The following FHDC1 variants were observed in gnomAD, a reference collection of about 807,000 sequenced individuals.
The protein encoded by FHDC1 is FH2 domain containing 1, also known as FH2 domain-containing protein 1.
In FHDC1, 25 loss-of-function variants were observed where a neutral mutation model predicts 52.6. That is an observed-to-expected ratio of 0.48 (90% CI 0.35 to 0.66). The LOEUF (loss-of-function observed/expected upper bound fraction) is 0.66. Ranked by LOEUF, FHDC1 falls within the 30% of genes least tolerant of loss-of-function variation. FHDC1 has a pLI of 0.01. For missense variants in FHDC1, 1,459 were observed against 1,452.8 expected (o/e 1.00, Z -0.07); for synonymous variants, 616 against 581.5 (o/e 1.06, Z -0.85).
intron 6 of FHDC1, among the ~76,000 whole-genome samples, chr4:152,961,161 G>A (rs1740268182): frequency 6.6e-6 from 1 of 152,180 alleles, no homozygotes; most frequent in Admixed American, 6.5e-5. Flanking sequence ...TTGGTATGTG[G>A]TGTGTGCATG....
At chr4:152,934,670 GTCCTCAAAGGAAGAGA>G (rs1481546615), upstream of FHDC1, among the ~76,000 whole-genome samples, 1 of 152,322 alleles carries the variant, frequency 6.6e-6, no homozygotes, top group East Asian at 1.9e-4. Flanking sequence ...CCTTGTTACT[GTCCTCAAAGGAAGAGA>G]AGGGTCAGCA....
chr4:152,955,111 AAAG>A (rs1009200709), intron 4 of FHDC1, among the ~76,000 whole-genome samples: 1 of 152,192 alleles, frequency 6.6e-6, no homozygotes, highest in Non-Finnish European at 1.5e-5. Flanking sequence ...TTTTAAAAAA[AAAG>A]ATGAAAACAA....
Position 152,976,425 on chromosome 4 carries a change from G to A in FHDC1, c.3134G>A (p.Arg1045Gln), listed in dbSNP as rs1314148877. 3 of 1,613,684 alleles carry A rather than the reference G, an allele frequency of 1.9e-6. No individual in the cohort carries two copies. Among genetic ancestry groups the A allele is most frequent in the East Asian group, 2.2e-5 (1 of 44,858 alleles). Reference protein sequence around the residue: ...FARNTVASSSRSMRTDLPPVA... With the variant: ...FARNTVASSSQSMRTDLPPVA... ...CGGAACACAGTGGCCTCCTCCTCTC[G>A]AAGCATGAGAACAGATCTTCCTCCC... The change falls in exon 12 of 12, where the codon CGA (arginine) becomes CAA (glutamine). Residue 1045 changes from arginine to glutamine, a missense_variant. This residue lies in a region of FHDC1 where 939 missense variants were observed against 854.5 expected (regional missense o/e 1.10). Coordinates refer to ENST00000511601, the MANE Select transcript of FHDC1 (RefSeq NM_001371116.1).
chr4:152,956,124 G>A (rs1322014339), intron 4 of FHDC1, among the ~76,000 whole-genome samples: 2 of 152,186 alleles, frequency 1.3e-5, no homozygotes, highest in African/African-American at 2.4e-5. Context: ...TTTCTGTAAA[G>A]GATAGGAGTT....
chr4:152,976,659 C>T lies in FHDC1; in HGVS notation c.3368C>T (p.Ser1123Phe). 6.3e-7 allele frequency: 1 copy of T among 1,577,132 alleles called. No individual in the cohort carries two copies. The highest frequency in any genetic ancestry group is 1.9e-5 in the Admixed American group (1 of 53,196). Residue 1123 changes from serine (S) to phenylalanine (F), a missense_variant, in exon 12 of 12, where the codon TCC (serine) becomes TTC (phenylalanine). Coordinates refer to ENST00000511601, the MANE Select transcript of FHDC1 (RefSeq NM_001371116.1). The stretch of plus-strand genomic sequence containing the variant: ...GCCAGAGGGGCTGGGGAAAGGGCCT[C>T]CCTCCGTCGGAAGGACTCCAGTCGG... ...LKARGAGERA[S>F]LRRKDSSRTT...
the FHDC1 span, among the ~76,000 whole-genome samples, chr4:152,928,404 A>G: frequency 6.6e-6 from 1 of 151,878 alleles, no homozygotes; most frequent in East Asian, 1.9e-4. Context: ...TTCTCGTTCT[A>G]CTCCAGTGCA....
intron 9 of FHDC1, 22 bp from the exon 10 acceptor site, chr4:152,967,958 A>C: frequency 6.3e-7 from 1 of 1,584,578 alleles, no homozygotes; most frequent in Non-Finnish European, 8.6e-7. Flanking sequence ...CCAACTGCCC[A>C]CTCTCCCCTT....
chr4:152,966,963 T>C (rs985910092), intron 9 of FHDC1, among the ~76,000 whole-genome samples: 1 of 152,048 alleles, frequency 6.6e-6, no homozygotes, highest in East Asian at 1.9e-4. Flanking sequence ...CTACAAAAAA[T>C]TTAAAAATTA....
chr4:152,973,633 T>A (rs530674921), intron 11 of FHDC1, among the ~76,000 whole-genome samples: 1 of 152,172 alleles, frequency 6.6e-6, no homozygotes, highest in Non-Finnish European at 1.5e-5. Flanking sequence ...CCCGAGAGAC[T>A]TGGGGACGAG....
intron 4 of FHDC1, among the ~76,000 whole-genome samples, chr4:152,955,974 C>G (rs935447378): frequency 3.3e-5 from 5 of 152,118 alleles, no homozygotes; most frequent in African/African-American, 1.2e-4. Context: ...TTTCTCTTTG[C>G]ACATTAAGTG....
chr4:152,921,714 G>A, the FHDC1 span, among the ~76,000 whole-genome samples: 2,476 of 151,166 alleles, frequency 0.016, 66 homozygotes, highest in African/African-American at 0.056. Context: ...TTTTGCACAA[G>A]CAAAGATAAT....
the FHDC1 span, among the ~76,000 whole-genome samples, chr4:152,915,673 C>G: frequency 6.6e-6 from 1 of 152,092 alleles, no homozygotes; most frequent in African/African-American, 2.4e-5. Flanking sequence ...GAAAGAATGG[C>G]AGAATTAGAG....
chr4:152,920,825 C>T, the FHDC1 span, among the ~76,000 whole-genome samples: 2 of 151,280 alleles, frequency 1.3e-5, no homozygotes, highest in Non-Finnish European at 2.9e-5. Context: ...ATTGTTCTAC[C>T]GAATTCTTTA....
chr4:152,935,394 C>T (rs745960819), upstream of FHDC1, among the ~76,000 whole-genome samples: 2 of 152,098 alleles, frequency 1.3e-5, no homozygotes, highest in African/African-American at 2.4e-5. Flanking sequence ...TTTCGGTCAG[C>T]CGGTTTGCCC....
chr4:152,937,728 C>T (rs1425707892), intron 1 of FHDC1, among the ~76,000 whole-genome samples: 1 of 151,950 alleles, frequency 6.6e-6, no homozygotes, highest in Non-Finnish European at 1.5e-5. Flanking sequence ...GGCGCCCCAC[C>T]CTCGCGCCGC....
At chr4:152,958,008 T>C (rs1435992774) in intron 4 of FHDC1, among the ~76,000 whole-genome samples, 1 of 152,130 alleles carries the variant, frequency 6.6e-6, no homozygotes, top group Non-Finnish European at 1.5e-5. Flanking sequence ...GCAGTTTGAG[T>C]TGCCTCTGCT....
chr4:152,959,831 A>G (rs1740219173), intron 4 of FHDC1, among the ~76,000 whole-genome samples: 1 of 152,164 alleles, frequency 6.6e-6, no homozygotes, highest in South Asian at 2.1e-4. Flanking sequence ...TGTACATACT[A>G]TTTTATTGCC....
chr4:152,934,576 T>G (rs564702196), upstream of FHDC1, among the ~76,000 whole-genome samples: 1 of 152,314 alleles, frequency 6.6e-6, no homozygotes, highest in African/African-American at 2.4e-5. Flanking sequence ...TATACAAGCT[T>G]CAGGTCCCAC....
intron 3 of FHDC1, among the ~76,000 whole-genome samples, chr4:152,953,801 G>C (rs1248564619): frequency 6.6e-6 from 1 of 152,232 alleles, no homozygotes; most frequent in Non-Finnish European, 1.5e-5. Flanking sequence ...GTCCCATCAG[G>C]GACACCTTCA....
Sources: gnomAD v4.1 joint callset for allele counts (sites outside exome capture counted in the v4.1 genomes callset) on GRCh38, gnomAD v4.1.1 for gene constraint, gnomAD v4.1.1 regional missense constraint, MANE v1.5 for transcripts, NCBI Gene and HGNC (gene_info 2026-07-23, HGNC 2026-07-21) for gene names.